The following PRMT2 variants were observed in gnomAD, a reference collection of about 807,000 sequenced individuals.
PRMT2 encodes the protein protein arginine N-methyltransferase 2.
A neutral mutation model predicts 57.6 loss-of-function variants in PRMT2; 26 were observed. That is an observed-to-expected ratio of 0.45 (90% confidence interval 0.33 to 0.63). The LOEUF (loss-of-function observed/expected upper bound fraction) is 0.63. PRMT2 is among the 20% of genes least tolerant of loss of function. The probability of loss-of-function intolerance (pLI) is 0.02; values close to 1 mark genes in which losing one functional copy is unlikely to be tolerated. For missense variants in PRMT2, 472 were observed against 564.4 expected, an observed-to-expected ratio of 0.84 and a Z score of 1.66; for synonymous variants, 219 against 220.0, an observed-to-expected ratio of 1.00 and a Z score of 0.04.
intron 7 of PRMT2, among the ~76,000 whole-genome samples, chr21:46,655,561 A>C (rs2061530056): frequency 6.6e-6 from 1 of 152,206 alleles, no homozygotes; most frequent in Non-Finnish European, 1.5e-5. Flanking sequence ...ATGACATAGG[A>C]CATCTACAAA....
intron 3 of PRMT2, among the ~76,000 whole-genome samples, chr21:46,639,689 AGT>A (rs764502507): frequency 0.014 from 2,102 of 146,252 alleles, 35 homozygotes; most frequent in African/African-American, 0.045. Flanking sequence ...GCTTACATAA[AGT>A]GTGTGTGTGT....
chr21:46,636,086 A>G (rs2061165850), intron 1 of PRMT2: 1 of 152,376 alleles, frequency 6.6e-6, no homozygotes, highest in Non-Finnish European at 1.5e-5. Context: ...CCCTGCCCCG[A>G]AGCTCGCGGC....
chr21:46,656,621 G>C (rs948813999), intron 7 of PRMT2, among the ~76,000 whole-genome samples: 2 of 152,100 alleles, frequency 1.3e-5, no homozygotes, highest in Non-Finnish European at 2.9e-5. Context: ...TGGAATAGTT[G>C]TCATCCATAT....
At chr21:46,654,181 TA>T (rs2061506453) in intron 7 of PRMT2, 1 of 965,948 alleles carries the variant, frequency 1.0e-6, no homozygotes, top group African/African-American at 1.8e-5. Context: ...AAATTTATGT[TA>T]AAAAATGTTC....
At chr21:46,643,470 A>G (rs1221132938) in intron 3 of PRMT2, 65 bp from the exon 4 acceptor site, 52 of 1,367,668 alleles carry the variant, frequency 3.8e-5, no homozygotes, top group Middle Eastern at 2.4e-4. Flanking sequence ...TCCTAATAAT[A>G]TAGCCAAAAA....
chr21:46,651,053 G>A (rs1031401130), intron 7 of PRMT2, among the ~76,000 whole-genome samples: 3 of 152,220 alleles, frequency 2.0e-5, no homozygotes, highest in Non-Finnish European at 2.9e-5. Context: ...ATGTGTGGCC[G>A]GGACTGGAGG....
At chr21:46,655,051 T>C (rs868376477) in intron 7 of PRMT2, 10 of 309,436 alleles carry the variant, frequency 3.2e-5, no homozygotes, top group Middle Eastern at 1.6e-3. Flanking sequence ...CAATAACTAG[T>C]AAAGATATTG....
Position 46,648,381 on chromosome 21 carries a change from C to T in PRMT2, c.328-77C>T, listed in dbSNP as rs142641313. On this transcript the variant is annotated intron_variant, in intron 5 of 11. Coordinates refer to ENST00000355680, the MANE Select transcript of PRMT2 (RefSeq NM_206962.4). This position sits in a 1 kb window ranked among gnomAD's most constrained non-coding sequence, Gnocchi z 4.8. ...GGGTCAGGGGTCATCAGCTGTGGCT[C>T]TGACCCTCCATCTCAGTCCAGACCT... The T allele has an allele frequency of 3.3e-4, 493 of 1,513,964 alleles. No homozygotes were observed. In the African/African-American group the frequency reaches 5.1e-3, roughly 16 times the overall value. 93.8% of individuals were successfully genotyped at this position (1,513,964 alleles called of 1,614,324 possible). A position where few individuals can be genotyped will look rare whatever the true frequency, so the allele number is the denominator to read the frequency against.
chr21:46,656,323 A>G (rs1009207295), intron 7 of PRMT2, among the ~76,000 whole-genome samples: 2 of 152,232 alleles, frequency 1.3e-5, no homozygotes, highest in African/African-American at 4.8e-5. Flanking sequence ...AATAAACCTC[A>G]TTTCTTTATA....
intron 8 of PRMT2, 55 bp from the exon 9 acceptor site, chr21:46,660,778 G>A (rs1162711564): frequency 6.3e-7 from 1 of 1,599,990 alleles, no homozygotes; most frequent in African/African-American, 1.3e-5. Context: ...TGTGTGTTTT[G>A]AAGCCTAAGA....
At chr21:46,653,595 AC>A (rs753242874) in intron 7 of PRMT2, 5 of 1,120,494 alleles carry the variant, frequency 4.5e-6, no homozygotes, top group Non-Finnish European at 5.5e-6. Context: ...CTAAGGGAGG[AC>A]TTCTGGCCCC....
intron 9 of PRMT2, 76 bp from the exon 10 acceptor site, chr21:46,661,724 T>G: frequency 1.6e-6 from 2 of 1,239,026 alleles, no homozygotes; most frequent in Admixed American, 4.2e-5. Flanking sequence ...GCGGGGCGCG[T>G]GGAGGGGGCC....
intron 7 of PRMT2, chr21:46,654,875 T>C (rs2061519187): frequency 8.1e-6 from 8 of 983,496 alleles, no homozygotes; most frequent in African/African-American, 3.5e-5. Flanking sequence ...ACTGTATTCC[T>C]GAAACAGTCT....
At chr21:46,654,960 G>A (rs1235748034) in intron 7 of PRMT2, 2 of 977,792 alleles carry the variant, frequency 2.0e-6, no homozygotes, top group Non-Finnish European at 2.4e-6. Flanking sequence ...AAGCAAAGAA[G>A]GTCCATGAAA....
Position 46,649,331 on chromosome 21 carries a change from A to T in PRMT2, c.490-244A>T, listed in dbSNP as rs2061413739. On this transcript the variant is annotated intron_variant, in intron 6 of 11. Transcript: ENST00000355680. The surrounding 1 kb of genome is among the most constrained non-coding windows in gnomAD (Gnocchi z 4.8). ...GCTCGGGCATGCGAGTCTTCCATCCACTTGCAGCCCTGCGTCTGTGTCTTG... is the reference window on the plus strand; with the variant it reads ...GCTCGGGCATGCGAGTCTTCCATCCTCTTGCAGCCCTGCGTCTGTGTCTTG... 6.6e-6 allele frequency among the ~76,000 whole-genome samples: 1 copy of T among 152,164 alleles called. No homozygotes were observed. The highest frequency in any genetic ancestry group is 2.4e-5 in the African/African-American group (1 of 41,426).
rs1415793120 is a variant in PRMT2, at chr21:46,643,363, G to A, written c.40-172G>A. On this transcript the variant is annotated intron_variant, in intron 3 of 11. Coordinates refer to ENST00000355680, the MANE Select transcript of PRMT2 (RefSeq NM_206962.4). Reference sequence around the variant, plus strand: ...TTTTTTTAGAAAAGAAATGTAGAGTGAAGGTGACAGCCTTTGATTATAGTA... The same window carrying A: ...TTTTTTTAGAAAAGAAATGTAGAGTAAAGGTGACAGCCTTTGATTATAGTA... 25 of 1,184,046 alleles carry A rather than the reference G, an allele frequency of 2.1e-5. No individual in the cohort carries two copies. In the East Asian group the frequency reaches 7.8e-4, roughly 37 times the overall value. 73.3% of individuals were successfully genotyped at this position (1,184,046 alleles called of 1,614,324 possible).
chr21:46,642,749 A>C (rs1464349871), intron 3 of PRMT2, among the ~76,000 whole-genome samples: 5 of 152,182 alleles, frequency 3.3e-5, no homozygotes, highest in Non-Finnish European at 1.5e-5. Context: ...ACGGCCAGGC[A>C]TGGTGGCTCA....
At chr21:46,654,966 T>C (rs1272290363) in intron 7 of PRMT2, 1 of 969,688 alleles carries the variant, frequency 1.0e-6, no homozygotes, top group African/African-American at 1.8e-5. Flanking sequence ...AGAAGGTCCA[T>C]GAAATGGACC....
At chr21:46,652,951 G>T in intron 7 of PRMT2, 1 of 1,291,182 alleles carries the variant, frequency 7.7e-7, no homozygotes, top group Non-Finnish European at 1.0e-6. Context: ...AGGTGCAGGG[G>T]CTGCCTCCTG....
Sources: allele counts gnomAD v4.1 joint callset (sites outside exome capture counted in the v4.1 genomes callset), GRCh38; gene constraint gnomAD v4.1.1; non-coding constraint Gnocchi (gnomAD v3.1); transcripts MANE v1.5; gene names NCBI Gene and HGNC (gene_info 2026-07-23, HGNC 2026-07-21).